Variants in MSN observed in about 807,000 individuals in gnomAD.
MSN encodes moesin.
In MSN, 2 loss-of-function variants were observed where a neutral mutation model predicts 48.0. The observed-to-expected ratio is 0.04, with a 90% CI of 0.02 to 0.13. The LOEUF (loss-of-function observed/expected upper bound fraction) is 0.13. Among genes scored for constraint, MSN ranks in the 10% least tolerant of loss-of-function variants. The pLI is 1.00. For synonymous variants in MSN, 146 were observed against 166.9 expected (o/e 0.87, Z 0.97); for missense variants, 267 against 470.1 (o/e 0.57, Z 3.99).
At chrX:65,623,103 C>A (rs187202345) in intron 1 of MSN, among the ~76,000 whole-genome samples, 2 of 108,509 alleles carry the variant, frequency 1.8e-5, no homozygotes, top group East Asian at 5.6e-4. Flanking sequence ...TGTGATAAAT[C>A]CTACATGATT....
At chrX:65,648,333 G>T (rs1300621324) in intron 1 of MSN, among the ~76,000 whole-genome samples, 2 of 108,327 alleles carry the variant, frequency 1.8e-5, no homozygotes, top group African/African-American at 6.7e-5. Flanking sequence ...TGGGCAGATC[G>T]CCTGAGGTCA....
chrX:65,709,818 G>A (rs188436948), intron 1 of MSN, among the ~76,000 whole-genome samples: 67 of 111,514 alleles, frequency 6.0e-4, no homozygotes, highest in Non-Finnish European at 7.2e-4. Flanking sequence ...TAGGCTTTAG[G>A]ATATGTCCCT....
At chrX:65,622,510 G>GTCTT (rs2070458235) in intron 1 of MSN, among the ~76,000 whole-genome samples, 2 of 66,476 alleles carry the variant, frequency 3.0e-5, no homozygotes, top group Admixed American at 1.8e-4. Flanking sequence ...AGGCATCTTT[G>GTCTT]TTTTTTTTTT....
intron 1 of MSN, among the ~76,000 whole-genome samples, chrX:65,619,410 T>G (rs1458018771): frequency 2.0e-5 from 2 of 98,058 alleles, no homozygotes; most frequent in Non-Finnish European, 3.8e-5. Flanking sequence ...TTCATTTCTT[T>G]TTATTCTTTT....
At chrX:65,629,164 ATC>A (rs1445226688) in intron 1 of MSN, among the ~76,000 whole-genome samples, 1 of 111,085 alleles carries the variant, frequency 9.0e-6, no homozygotes, top group East Asian at 2.8e-4. Context: ...ACCCTAAATC[ATC>A]TCTCTCAAGT....
chrX:65,709,660 C>T (rs1193419333), intron 1 of MSN, among the ~76,000 whole-genome samples: 2 of 112,856 alleles, frequency 1.8e-5, no homozygotes, highest in South Asian at 7.3e-4. Context: ...TATTTGATTA[C>T]GTACTTTGGG....
chrX:65,736,627 G>A (rs752846808), intron 8 of MSN, among the ~76,000 whole-genome samples, 168 bp from the exon 9 acceptor site: 42 of 110,150 alleles, frequency 3.8e-4, no homozygotes, highest in East Asian at 2.0e-3. Context: ...TAGTAGAGAC[G>A]GGGTTTCACT....
chrX:65,676,901 T>A (rs1055436111), intron 1 of MSN, among the ~76,000 whole-genome samples: 1 of 110,495 alleles, frequency 9.1e-6, no homozygotes, highest in African/African-American at 3.3e-5. Context: ...TTTGGCTCAC[T>A]GCAACCTCCA....
At chrX:65,739,226 T>G (rs763892790) in intron 12 of MSN, 32 bp downstream of exon 12, 1 of 1,144,382 alleles carries the variant, frequency 8.7e-7, no homozygotes, top group Non-Finnish European at 1.2e-6. Context: ...GCAAGGAAAC[T>G]ATATGCATTG....
intron 1 of MSN, among the ~76,000 whole-genome samples, chrX:65,705,379 A>G (rs908503489): frequency 1.3e-4 from 15 of 111,618 alleles, no homozygotes; most frequent in African/African-American, 4.9e-4. Flanking sequence ...CCATGTGCCT[A>G]AGAAGGAGAG....
intron 6 of MSN, 29 bp from the exon 7 acceptor site, chrX:65,733,155 C>G: frequency 8.7e-7 from 1 of 1,151,682 alleles, no homozygotes; most frequent in Non-Finnish European, 1.2e-6. Context: ...TTGCCCTTGT[C>G]CTGATGTTAT....
At chrX:65,599,537 G>A (rs1379068446) in intron 1 of MSN, among the ~76,000 whole-genome samples, 1 of 112,281 alleles carries the variant, frequency 8.9e-6, no homozygotes, top group Non-Finnish European at 1.9e-5. Flanking sequence ...GTAGGCTGAG[G>A]CAGGAGAATC....
chrX:65,695,501 C>G (rs1489996606), intron 1 of MSN, among the ~76,000 whole-genome samples: 1 of 62,766 alleles, frequency 1.6e-5, no homozygotes, highest in African/African-American at 8.5e-5. Flanking sequence ...AGACAAAACT[C>G]TGTCTCAAAA....
At chrX:65,730,115 T>C (rs1481607647) in intron 4 of MSN, among the ~76,000 whole-genome samples, 1 of 112,220 alleles carries the variant, frequency 8.9e-6, no homozygotes, top group East Asian at 2.8e-4. Flanking sequence ...GGAGCTCAAA[T>C]AGTCTTTTAA....
chrX:65,636,133 A>C (rs1346493251), intron 1 of MSN, among the ~76,000 whole-genome samples: 1 of 111,535 alleles, frequency 9.0e-6, no homozygotes, highest in African/African-American at 3.3e-5. Flanking sequence ...TCTAGCTTCT[A>C]TACTGGACAG....
At chrX:65,678,253 C>T (rs1269295344) in intron 1 of MSN, among the ~76,000 whole-genome samples, 2 of 111,863 alleles carry the variant, frequency 1.8e-5, no homozygotes, top group Non-Finnish European at 3.8e-5. Context: ...TTATACAATA[C>T]CACCTGCAAA....
chrX:65,729,367 C>G (rs879235916), intron 3 of MSN, 71 bp from the exon 4 acceptor site: 5 of 1,105,671 alleles, frequency 4.5e-6, no homozygotes, highest in Non-Finnish European at 6.0e-6. Flanking sequence ...AGTGTTTTCT[C>G]CCCACCCTAC....
Position 65,739,815 on chromosome X carries a change from C to G in MSN, c.1656C>G (p.Gly552=), listed in dbSNP as rs1361292947. 8.3e-7 allele frequency: 1 copy of G among 1,209,328 alleles called. No homozygotes were observed. Among genetic ancestry groups the G allele is most frequent in the Non-Finnish European group, 1.1e-6 (1 of 894,933 alleles). The change falls in exon 13 of 13, where the codon GGC becomes GGG. Residue 552 remains glycine, a synonymous_variant. Transcript: ENST00000360270. The stretch of plus-strand genomic sequence containing the variant: ...TCCATGCTGAGAACATGCGACTGGG[C>G]CGAGACAAATACAAGACCCTGCGCC... The part of the protein sequence containing the change: ...DMIHAENMRL[G]RDKYKTLRQI...
intron 1 of MSN, among the ~76,000 whole-genome samples, chrX:65,595,389 G>A (rs1445713474): frequency 9.0e-6 from 1 of 111,682 alleles, no homozygotes; most frequent in Non-Finnish European, 1.9e-5. Flanking sequence ...CACAGCCCTG[G>A]AAAGCCTCTT....
Sources: gnomAD v4.1 joint callset for allele counts (sites outside exome capture counted in the v4.1 genomes callset) on GRCh38, gnomAD v4.1.1 for gene constraint, MANE v1.5 for transcripts, NCBI Gene and HGNC (gene_info 2026-07-23, HGNC 2026-07-21) for gene names.